Variants in ADAMTSL1 observed in about 807,000 individuals in gnomAD.
The protein encoded by ADAMTSL1 is ADAMTS-like protein 1.
In ADAMTSL1, 126 loss-of-function variants were observed where a neutral mutation model predicts 201.8. The observed-to-expected ratio is 0.62, with a 90% CI of 0.54 to 0.72. ADAMTSL1 has a LOEUF of 0.72. Among genes scored for constraint, ADAMTSL1 ranks in the 30% least tolerant of loss-of-function variants. The pLI, the probability that ADAMTSL1 is intolerant of heterozygous loss-of-function variation, is 0.00. For synonymous variants in ADAMTSL1, 1,121 were observed against 903.4 expected (o/e 1.24, Z -4.32); for missense variants, 2,679 against 2,277.8 (o/e 1.18, Z -3.59).
chr9:18,168,153 G>A (rs1827718524), intron 2 of ADAMTSL1, among the ~76,000 whole-genome samples: 1 of 151,492 alleles, frequency 6.6e-6, no homozygotes, highest in Non-Finnish European at 1.5e-5. Context: ...TAGGATACAT[G>A]TGCACAACGT....
At chr9:18,811,084 G>A (rs1823481040) in intron 20 of ADAMTSL1, among the ~76,000 whole-genome samples, 1 of 148,792 alleles carries the variant, frequency 6.7e-6, no homozygotes, top group Non-Finnish European at 1.5e-5. Flanking sequence ...ACTAGGAAAG[G>A]GGAAGCATAG....
intron 1 of ADAMTSL1, among the ~76,000 whole-genome samples, chr9:18,080,829 A>G (rs1393103572): frequency 1.3e-5 from 2 of 152,188 alleles, no homozygotes; most frequent in Non-Finnish European, 2.9e-5. Flanking sequence ...CCTTCATTCT[A>G]GACACAGAAG....
intron 3 of ADAMTSL1, among the ~76,000 whole-genome samples, chr9:18,565,920 C>A (rs1265774683): frequency 6.6e-6 from 1 of 151,994 alleles, no homozygotes. Context: ...CTTTATAGTG[C>A]GTGCTTACAA....
intron 2 of ADAMTSL1, among the ~76,000 whole-genome samples, chr9:18,273,514 G>A (rs1396056804): frequency 3.3e-5 from 5 of 152,204 alleles, no homozygotes; most frequent in African/African-American, 1.2e-4. Flanking sequence ...AAATTGGTAA[G>A]GGGCAGTGCA....
chr9:18,625,559 T>C (rs1826311048), intron 5 of ADAMTSL1, among the ~76,000 whole-genome samples: 1 of 152,206 alleles, frequency 6.6e-6, no homozygotes, highest in Admixed American at 6.5e-5. Context: ...CTTTTCATTT[T>C]TTCTAGTTAC....
intron 2 of ADAMTSL1, among the ~76,000 whole-genome samples, chr9:18,180,587 A>C (rs1264763585): frequency 6.6e-6 from 1 of 151,938 alleles, no homozygotes; most frequent in African/African-American, 2.4e-5. Flanking sequence ...AGGGATGTGA[A>C]GGACCTCTTC....
intron 20 of ADAMTSL1, among the ~76,000 whole-genome samples, chr9:18,805,520 T>C (rs568522573): frequency 1.6e-4 from 24 of 152,342 alleles, no homozygotes; most frequent in Admixed American, 1.2e-3. Flanking sequence ...AAGCCGTTGT[T>C]CTTACAGCTT....
intron 1 of ADAMTSL1, among the ~76,000 whole-genome samples, chr9:18,071,694 G>A (rs1041203146): frequency 5.3e-5 from 8 of 152,200 alleles, no homozygotes; most frequent in Non-Finnish European, 8.8e-5. Flanking sequence ...CCTCTATAGA[G>A]ATTTCTCTGT....
At chr9:18,036,065 G>A in intron 1 of ADAMTSL1, among the ~76,000 whole-genome samples, 1 of 152,120 alleles carries the variant, frequency 6.6e-6, no homozygotes, top group East Asian at 1.9e-4. Flanking sequence ...ATCTCATGTA[G>A]GAGGTCACTG....
At chr9:18,247,381 A>G (rs1215321601) in intron 2 of ADAMTSL1, among the ~76,000 whole-genome samples, 2 of 152,174 alleles carry the variant, frequency 1.3e-5, no homozygotes, top group South Asian at 2.1e-4. Flanking sequence ...TTATTCATCT[A>G]TTTTCATCAA....
intron 1 of ADAMTSL1, among the ~76,000 whole-genome samples, chr9:17,948,175 A>G (rs1178984566): frequency 6.6e-6 from 1 of 152,226 alleles, no homozygotes. Context: ...GCAAAATTAC[A>G]AAGCATTACC....
chr9:18,899,390 T>G (rs539458662), intron 26 of ADAMTSL1, among the ~76,000 whole-genome samples: 2 of 152,226 alleles, frequency 1.3e-5, no homozygotes, highest in Non-Finnish European at 2.9e-5. Flanking sequence ...GTTTATAGAT[T>G]CAATGCTATT....
Position 18,777,246 on chromosome 9 carries a change from G to C in ADAMTSL1, c.3017G>C (p.Ser1006Thr). Residue 1006 changes from serine (S) to threonine (T), a missense_variant, in exon 19 of 29, where the codon AGC becomes ACC. Transcript: ENST00000380548. ...KHQNGIFSNG[S>T]KAEKRGLAAN... ...CAGAACGGGATCTTCTCCAACGGCA[G>C]CAAGGCGGAGAAGCGGGGCCTGGCC... is the stretch of plus-strand genomic sequence containing the variant. 6.2e-7 allele frequency: 1 copy of C among 1,612,396 alleles called. No individual in the cohort carries two copies. The highest frequency in any genetic ancestry group is 8.5e-7 in the Non-Finnish European group (1 of 1,179,652).
At chr9:18,246,848 G>A (rs1831273453) in intron 2 of ADAMTSL1, among the ~76,000 whole-genome samples, 1 of 152,098 alleles carries the variant, frequency 6.6e-6, no homozygotes, top group African/African-American at 2.4e-5. Flanking sequence ...GAAAGAATGG[G>A]CATTTCAGTA....
chr9:18,338,212 T>A (rs1012450016), intron 2 of ADAMTSL1, among the ~76,000 whole-genome samples: 4 of 152,068 alleles, frequency 2.6e-5, no homozygotes, highest in African/African-American at 9.7e-5. Flanking sequence ...CCACTGACCC[T>A]TAACTTTTCC....
intron 2 of ADAMTSL1, among the ~76,000 whole-genome samples, chr9:18,273,370 C>G (rs916215900): frequency 6.6e-6 from 1 of 151,462 alleles, no homozygotes; most frequent in Non-Finnish European, 1.5e-5. Flanking sequence ...AGTGAGTCAT[C>G]ACGCCCGGCC....
chr9:18,100,702 A>G (rs1225242011), intron 1 of ADAMTSL1, among the ~76,000 whole-genome samples: 7 of 152,096 alleles, frequency 4.6e-5, no homozygotes, highest in African/African-American at 1.7e-4. Context: ...TGACCTAGAC[A>G]GGAGGCCTGG....
intron 1 of ADAMTSL1, among the ~76,000 whole-genome samples, chr9:18,124,077 GTTTTTTTTTTTTT>G (rs1157492042): frequency 1.4e-5 from 1 of 70,836 alleles, no homozygotes; most frequent in Non-Finnish European, 2.4e-5. Context: ...TTATTTGCCA[GTTTTTTTTTTTTT>G]TTTTTTTTTT....
chr9:18,721,386 C>G, intron 14 of ADAMTSL1, 150 bp from the exon 15 acceptor site: 2 of 1,069,882 alleles, frequency 1.9e-6, no homozygotes, highest in Non-Finnish European at 2.7e-6. Context: ...ACAAGATTGG[C>G]AGTCCTGGGC....
Sources: gnomAD v4.1 joint callset for allele counts (sites outside exome capture counted in the v4.1 genomes callset) on GRCh38, gnomAD v4.1.1 for gene constraint, MANE v1.5 for transcripts, NCBI Gene and HGNC (gene_info 2026-07-23, HGNC 2026-07-21) for gene names.